PCDHGB1: variants seen among roughly 807,000 people sequenced by gnomAD.
PCDHGB1 encodes the protein protocadherin gamma-B1.
Under a neutral mutation model 56.6 loss-of-function variants are expected in PCDHGB1, and 34 were observed. The observed-to-expected ratio is 0.60, with a 90% CI of 0.46 to 0.80. The LOEUF (loss-of-function observed/expected upper bound fraction) is 0.80, where lower values mean the gene tolerates loss of function less well. PCDHGB1 is among the 30% of genes least tolerant of loss of function. PCDHGB1 has a pLI of 0.00. For missense variants in PCDHGB1, 1,278 were observed against 1,204.6 expected (o/e 1.06, Z -0.90); for synonymous variants, 561 against 505.9 (o/e 1.11, Z -1.46).
chr5:141,482,890 G>C (rs577635020), intron 1 of PCDHGB1, among the ~76,000 whole-genome samples: 10 of 152,274 alleles, frequency 6.6e-5, no homozygotes, highest in African/African-American at 2.4e-4. Flanking sequence ...TGGCCAACAT[G>C]GTGAAACCTC....
In PCDHGB1 at chr5:141,432,198, AC is replaced by A. The variant is rs1345236539; in HGVS notation, c.2410-62608del. ...GTCTCTGTGACCGCCCACGACCCCG[AC>A]TGTGAAGAGAACGCCCAGATCACTT... is the stretch of plus-strand genomic sequence containing the variant. On this transcript the variant is annotated intron_variant, in intron 1 of 3. Coordinates refer to ENST00000523390, the MANE Select transcript of PCDHGB1 (RefSeq NM_018922.3). This position sits in a 1 kb window ranked among gnomAD's most constrained non-coding sequence, Gnocchi z 6.0. 6 of 1,613,998 alleles carry A rather than the reference AC, an allele frequency of 3.7e-6. No homozygotes were observed. Among genetic ancestry groups the A allele is most frequent in the Non-Finnish European group, 4.2e-6 (5 of 1,180,030 alleles).
chr5:141,413,456 T>C (rs2095643709), intron 1 of PCDHGB1: 30 of 1,613,982 alleles, frequency 1.9e-5, no homozygotes, highest in South Asian at 2.2e-5. Flanking sequence ...GCGGGCAGGA[T>C]AGACCGGGAG....
chr5:141,444,902 G>A (rs1442325957), intron 1 of PCDHGB1, among the ~76,000 whole-genome samples: 1 of 152,160 alleles, frequency 6.6e-6, no homozygotes, highest in Non-Finnish European at 1.5e-5. Context: ...GGATGGCATT[G>A]CATCTATACC....
intron 3 of PCDHGB1, among the ~76,000 whole-genome samples, chr5:141,506,441 T>C (rs1940889203): frequency 9.8e-6 from 1 of 101,930 alleles, no homozygotes; most frequent in South Asian, 3.0e-4. Flanking sequence ...TCTCGCTCTG[T>C]CTCAAAAAAA....
intron 2 of PCDHGB1, among the ~76,000 whole-genome samples, chr5:141,501,110 G>A (rs1373404247): frequency 2.6e-5 from 4 of 151,908 alleles, no homozygotes; most frequent in Admixed American, 6.6e-5. Flanking sequence ...CTCGTGATCC[G>A]CCTGCCTCAG....
At position 141,351,157 on chromosome 5, in the gene PCDHGB1, C is replaced by A. The variant is rs748506914; in HGVS notation, c.897C>A (p.Thr299=). The A allele has an allele frequency of 2.5e-6, 4 of 1,614,010 alleles. No homozygotes were observed. Among genetic ancestry groups the A allele is most frequent in the South Asian group, 1.1e-5 (1 of 91,082 alleles). The change falls in exon 1 of 4, where the codon ACC becomes ACA. Residue 299 remains threonine, a synonymous_variant. Coordinates refer to ENST00000523390, the MANE Select transcript of PCDHGB1 (RefSeq NM_018922.3). ...ATCCAAATACTGGCGACATCACAAC[C>A]AATGGCACATTGGATTTTGAAGAGA... is the stretch of plus-strand genomic sequence containing the variant. ...NLNPNTGDIT[T]NGTLDFEETS... is the part of the protein sequence containing the mutation.
chr5:141,371,882 G>A, intron 1 of PCDHGB1: 2 of 1,613,432 alleles, frequency 1.2e-6, no homozygotes, highest in South Asian at 1.1e-5. Context: ...CCAGTGACCT[G>A]GAGCCGCGGG....
rs1456184444 is a variant in PCDHGB1, at chr5:141,512,578, C to T, written c.*1405C>T. On this transcript the variant is annotated 3_prime_UTR_variant, in exon 4 of 4. Coordinates refer to ENST00000523390, the MANE Select transcript of PCDHGB1 (RefSeq NM_018922.3). ...ATAGACCTTCTTCTCCCACCCCCTT[C>T]TGCCCCTGGGTCCCCGGCCATCCAG... is the stretch of plus-strand genomic sequence containing the variant. 1 of 152,944 alleles carries T rather than the reference C, an allele frequency of 6.5e-6. No homozygotes were observed. The highest frequency in any genetic ancestry group is 1.5e-5 in the Non-Finnish European group (1 of 68,542). 9.5% of individuals were successfully genotyped at this position (152,944 alleles called of 1,614,324 possible). A position where few individuals can be genotyped will look rare whatever the true frequency, so the allele number is the denominator to read the frequency against.
chr5:141,359,109 G>A (rs777269083), intron 1 of PCDHGB1, among the ~76,000 whole-genome samples: 9 of 152,200 alleles, frequency 5.9e-5, no homozygotes, highest in Admixed American at 1.3e-4. Context: ...TGTATTCATA[G>A]AAAGTTGTGG....
intron 1 of PCDHGB1, chr5:141,408,164 A>G (rs2095051548): frequency 6.6e-7 from 1 of 1,520,576 alleles, no homozygotes; most frequent in South Asian, 1.3e-5. Context: ...ACTTTCTCCA[A>G]CTGGAAAAGC....
At chr5:141,376,280 G>A (rs1366103411) in intron 1 of PCDHGB1, 4 of 1,614,226 alleles carry the variant, frequency 2.5e-6, no homozygotes, top group Admixed American at 1.7e-5. Context: ...AGGTGGCTTA[G>A]CGAGCATGCC....
At chr5:141,479,090 T>G (rs1424205731) in intron 1 of PCDHGB1, among the ~76,000 whole-genome samples, 2 of 152,244 alleles carry the variant, frequency 1.3e-5, no homozygotes, top group Non-Finnish European at 2.9e-5. Flanking sequence ...CCAGGCATCC[T>G]TTAAATTTTA....
At chr5:141,357,174 C>T (rs1207950942) in intron 1 of PCDHGB1, 1 of 1,613,676 alleles carries the variant, frequency 6.2e-7, no homozygotes, top group Non-Finnish European at 8.5e-7. Context: ...CGGCCACCGT[C>T]ACACTCACTG....
intron 1 of PCDHGB1, chr5:141,375,208 C>T: frequency 1.2e-6 from 2 of 1,613,958 alleles, no homozygotes; most frequent in Non-Finnish European, 8.5e-7. Flanking sequence ...TCGATCGAGA[C>T]TCTGGCCTGA....
At chr5:141,394,240 C>T in intron 1 of PCDHGB1, 1 of 1,613,940 alleles carries the variant, frequency 6.2e-7, no homozygotes, top group Non-Finnish European at 8.5e-7. Context: ...TCCTTGACTG[C>T]ACACGACCCC....
chr5:141,406,757 A>C (rs1274112027), intron 1 of PCDHGB1, among the ~76,000 whole-genome samples: 3 of 152,230 alleles, frequency 2.0e-5, no homozygotes, highest in Non-Finnish European at 4.4e-5. Context: ...CAAAACAAGG[A>C]ATTAAAAATA....
rs372648693 is a variant in PCDHGB1, at chr5:141,417,997, G to A, written c.2409+65328G>A. 244 of 1,613,872 alleles carry A rather than the reference G, an allele frequency of 1.5e-4. No homozygotes were observed. The Middle Eastern group carries it at 3.5e-3, about 23-fold the overall frequency. On this transcript the variant is annotated intron_variant, in intron 1 of 3. Transcript: ENST00000523390. ...CGGAGGAGCTGGCCAAGGGCTCGGT[G>A]GTGGGGAACCTCGCTAAGGATCTAG...
chr5:141,376,794 C>T, intron 1 of PCDHGB1: 1 of 353,104 alleles, frequency 2.8e-6, no homozygotes, highest in East Asian at 6.1e-5. Flanking sequence ...TCACGCCATT[C>T]TCCTGCCTCA....
chr5:141,509,477 G>A (rs753058277), intron 3 of PCDHGB1, among the ~76,000 whole-genome samples: 7 of 152,166 alleles, frequency 4.6e-5, no homozygotes, highest in African/African-American at 7.2e-5. Context: ...CAGGTGAGGG[G>A]TAGAGGTGAT....
Sources: gnomAD v4.1 joint callset for allele counts (sites outside exome capture counted in the v4.1 genomes callset) on GRCh38, gnomAD v4.1.1 for gene constraint, Gnocchi (gnomAD v3.1) non-coding constraint, MANE v1.5 for transcripts, NCBI Gene and HGNC (gene_info 2026-07-23, HGNC 2026-07-21) for gene names.